SUGCT: variants seen among roughly 807,000 people sequenced by gnomAD.
SUGCT encodes the protein succinyl-CoA:glutarate-CoA transferase.
Under a neutral mutation model 55.0 loss-of-function variants are expected in SUGCT, and 41 were observed. The ratio of observed to expected loss-of-function variants is 0.74; its 90% CI spans 0.58 to 0.97. The LOEUF (loss-of-function observed/expected upper bound fraction) is 0.97. Ranked by LOEUF, SUGCT falls within the 50% of genes least tolerant of loss-of-function variation. The pLI, the probability that SUGCT is intolerant of heterozygous loss-of-function variation, is 0.00. For missense variants in SUGCT, 568 were observed against 547.8 expected (o/e 1.04, Z -0.37); for synonymous variants, 187 against 200.4 (o/e 0.93, Z 0.56).
chr7:40,810,548 G>C (rs551674115), intron 13 of SUGCT, among the ~76,000 whole-genome samples: 8 of 152,074 alleles, frequency 5.3e-5, no homozygotes, highest in Admixed American at 3.9e-4. Flanking sequence ...ATGTTTGTTG[G>C]CCACTTGTAT....
the SUGCT span, among the ~76,000 whole-genome samples, chr7:40,887,891 A>C: frequency 2.4e-4 from 36 of 152,278 alleles, no homozygotes; most frequent in East Asian, 7.0e-3. Context: ...GGTACCGGAA[A>C]GTGGGGGTTG....
intron 8 of SUGCT, among the ~76,000 whole-genome samples, chr7:40,315,557 A>C (rs1795380614): frequency 6.6e-6 from 1 of 152,212 alleles, no homozygotes; most frequent in Non-Finnish European, 1.5e-5. Context: ...CCCAAGAATA[A>C]AGTAAAGGAG....
rs189737984 is a variant in SUGCT, at chr7:40,528,785, C to T, written c.1089+32399C>T. On this transcript the variant is annotated intron_variant, in intron 12 of 13. Transcript: ENST00000335693. ...TACTTGTTCCTTGATTCCCCCAACT[C>T]GTTAAATCAATAGCATTCATTGCTT... Among the ~76,000 whole-genome samples, 421 of 152,262 alleles carry T rather than the reference C, an allele frequency of 2.8e-3. 2 individuals carry two copies. The highest frequency in any genetic ancestry group is 9.5e-3 in the African/African-American group (396 of 41,552).
intron 12 of SUGCT, among the ~76,000 whole-genome samples, chr7:40,507,336 A>T (rs910852236): frequency 6.6e-6 from 1 of 152,156 alleles, no homozygotes; most frequent in African/African-American, 2.4e-5. Flanking sequence ...ACCTTGGGGT[A>T]GGAGATTTTA....
chr7:40,499,235 A>T (rs1792155309), intron 12 of SUGCT: 1 of 396,354 alleles, frequency 2.5e-6, no homozygotes, highest in Non-Finnish European at 5.1e-6. Context: ...TGATAAAGTG[A>T]AAAGGGGTAT....
intron 9 of SUGCT, among the ~76,000 whole-genome samples, chr7:40,380,609 G>A (rs141863054): frequency 1.3e-5 from 2 of 152,168 alleles, no homozygotes; most frequent in East Asian, 1.9e-4. Context: ...ACTTCCATCC[G>A]AATTGGGGGA....
chr7:40,382,764 AC>A (rs1784932120), intron 9 of SUGCT, among the ~76,000 whole-genome samples: 1 of 152,216 alleles, frequency 6.6e-6, no homozygotes, highest in Non-Finnish European at 1.5e-5. Context: ...TTGAATATAT[AC>A]AATGAAATGA....
At chr7:40,648,356 A>G (rs10226881) in intron 12 of SUGCT, among the ~76,000 whole-genome samples, 6,395 of 152,260 alleles carry the variant, frequency 0.042, 444 homozygotes, top group African/African-American at 0.15. Context: ...TAGATTTTAA[A>G]TATTTGATTA....
intron 12 of SUGCT, among the ~76,000 whole-genome samples, chr7:40,515,975 A>G (rs1424801790): frequency 2.0e-5 from 3 of 152,074 alleles, no homozygotes; most frequent in African/African-American, 7.2e-5. Flanking sequence ...CTTTGCCAAC[A>G]CTTCTTTATT....
chr7:41,027,358 T>C, the SUGCT span, among the ~76,000 whole-genome samples: 1 of 152,142 alleles, frequency 6.6e-6, no homozygotes, highest in Non-Finnish European at 1.5e-5. Flanking sequence ...TGAGGATGGG[T>C]CAAGGGATGT....
intron 7 of SUGCT, among the ~76,000 whole-genome samples, chr7:40,273,747 G>T (rs897479941): frequency 1.3e-5 from 2 of 152,138 alleles, no homozygotes; most frequent in Non-Finnish European, 2.9e-5. Flanking sequence ...CTTTCTTACT[G>T]CAATAGACAA....
intron 13 of SUGCT, among the ~76,000 whole-genome samples, chr7:40,800,605 A>G (rs1434057870): frequency 6.6e-6 from 1 of 151,908 alleles, no homozygotes; most frequent in Non-Finnish European, 1.5e-5. Flanking sequence ...ATGGCCTTTT[A>G]AGGTCTTTGT....
intron 8 of SUGCT, among the ~76,000 whole-genome samples, chr7:40,294,471 T>A (rs1442302696): frequency 6.6e-6 from 1 of 152,192 alleles, no homozygotes; most frequent in Non-Finnish European, 1.5e-5. Context: ...ATTCCGCTGG[T>A]CACATATTGG....
chr7:40,966,357 A>G, the SUGCT span: 1 of 152,238 alleles, frequency 6.6e-6, no homozygotes, highest in African/African-American at 2.4e-5. Context: ...CATCCTCTGG[A>G]CATTCATGAG....
chr7:40,835,593 A>C (rs17621345), intron 13 of SUGCT, among the ~76,000 whole-genome samples: 31,464 of 152,214 alleles, frequency 0.21, 3,736 homozygotes, highest in South Asian at 0.35. Context: ...TTTGTATGAC[A>C]CAGCAGGCAA....
intron 11 of SUGCT, among the ~76,000 whole-genome samples, chr7:40,462,698 T>C (rs939552053): frequency 1.3e-5 from 2 of 152,174 alleles, no homozygotes; most frequent in Admixed American, 6.5e-5. Flanking sequence ...CTATGTGCCA[T>C]GAACTGTTCT....
the SUGCT span, among the ~76,000 whole-genome samples, chr7:41,007,277 T>C: frequency 6.6e-6 from 1 of 152,202 alleles, no homozygotes; most frequent in Non-Finnish European, 1.5e-5. Context: ...ACACTACTGA[T>C]TGGTCTGCAT....
At chr7:40,821,582 T>C (rs4352749) in intron 13 of SUGCT, among the ~76,000 whole-genome samples, 9,463 of 152,264 alleles carry the variant, frequency 0.062, 427 homozygotes, top group Non-Finnish European at 0.099. Flanking sequence ...TTGATGGTAA[T>C]TTGTATTTCT....
At chr7:40,310,159 T>C (rs185852415) in intron 8 of SUGCT, among the ~76,000 whole-genome samples, 1 of 152,300 alleles carries the variant, frequency 6.6e-6, no homozygotes, top group Admixed American at 6.5e-5. Context: ...GTGATCAAGA[T>C]TGATTGTTGA....
Sources: allele counts gnomAD v4.1 joint callset (sites outside exome capture counted in the v4.1 genomes callset), GRCh38; gene constraint gnomAD v4.1.1; transcripts MANE v1.5; gene names NCBI Gene and HGNC (gene_info 2026-07-23, HGNC 2026-07-21).